The following ZNF487 variants were observed in gnomAD, a reference collection of about 807,000 sequenced individuals.
ZNF487 encodes zinc finger protein 487, also known as KRAB domain only 1.
A neutral mutation model predicts 3.0 loss-of-function variants in ZNF487; 4 were observed. The observed-to-expected ratio is 1.35, with a 90% confidence interval of 0.66 to 3.08. The LOEUF (loss-of-function observed/expected upper bound fraction) is 3.08. Among genes scored for constraint, ZNF487 ranks in the 30% most tolerant of loss-of-function variants. The pLI, the probability that ZNF487 is intolerant of heterozygous loss-of-function variation, is 0.01. For missense variants in ZNF487, 146 were observed against 98.7 expected, an observed-to-expected ratio of 1.48 and a Z score of -2.03; for synonymous variants, 55 against 34.6, an observed-to-expected ratio of 1.59 and a Z score of -2.06.
chr10:43,516,273 G>A, the ZNF487 span, among the ~76,000 whole-genome samples: 2 of 152,140 alleles, frequency 1.3e-5, no homozygotes, highest in Non-Finnish European at 2.9e-5. Context: ...TTCATGCCAA[G>A]GACTATCAGT....
chr10:43,478,393 A>G (rs969958431), intron 3 of ZNF487, among the ~76,000 whole-genome samples: 5 of 152,136 alleles, frequency 3.3e-5, no homozygotes, highest in African/African-American at 7.2e-5. Flanking sequence ...CTTCTCTACT[A>G]AAAATACAAA....
chr10:43,514,767 A>G, the ZNF487 span, among the ~76,000 whole-genome samples: 1 of 152,214 alleles, frequency 6.6e-6, no homozygotes, highest in Non-Finnish European at 1.5e-5. Flanking sequence ...TCTGACATAC[A>G]GAGAAGAGCA....
At chr10:43,459,748 C>T (rs192278147) in intron 1 of ZNF487, among the ~76,000 whole-genome samples, 3 of 149,748 alleles carry the variant, frequency 2.0e-5, no homozygotes, top group Middle Eastern at 3.4e-3. Flanking sequence ...AGGGTTTTGC[C>T]GTGTTGCTCA....
the ZNF487 span, among the ~76,000 whole-genome samples, chr10:43,498,154 G>A: frequency 1.3e-5 from 1 of 78,814 alleles, no homozygotes; most frequent in African/African-American, 5.3e-5. Flanking sequence ...TTGAGATGGA[G>A]TCTCACTCTG....
Position 43,470,025 on chromosome 10 carries a change from A to G in ZNF487, c.-93-5696A>G, listed in dbSNP as rs114308436. ...TATTGCACACTTAATAGACTATAGT[A>G]TAGTGAAAACATAACTTTCACATGC... is the stretch of plus-strand genomic sequence containing the variant. On this transcript the variant is annotated intron_variant, in intron 1 of 3. Coordinates refer to ENST00000437590, the MANE Select transcript of ZNF487 (RefSeq NM_001355444.3). Among the ~76,000 whole-genome samples, 421 of 152,282 alleles carry G rather than the reference A, an allele frequency of 2.8e-3. 1 individual carries two copies. Among genetic ancestry groups the G allele is most frequent in the African/African-American group, 9.5e-3 (395 of 41,560 alleles).
chr10:43,472,239 T>A (rs1840932615), intron 1 of ZNF487, among the ~76,000 whole-genome samples: 1 of 152,286 alleles, frequency 6.6e-6, no homozygotes, highest in African/African-American at 2.4e-5. Flanking sequence ...CATCTCTGCT[T>A]GAGTATTTTA....
chr10:43,484,929 T>C (rs978642167), downstream of ZNF487, among the ~76,000 whole-genome samples: 2 of 152,230 alleles, frequency 1.3e-5, no homozygotes, highest in African/African-American at 4.8e-5. Flanking sequence ...TTGTTAATCA[T>C]TGGGATACAT....
intron 1 of ZNF487, among the ~76,000 whole-genome samples, chr10:43,463,549 A>G (rs1185164508): frequency 2.0e-5 from 3 of 151,636 alleles, no homozygotes; most frequent in Admixed American, 6.6e-5. Context: ...AAAAAAAAAA[A>G]AAATTTTTTT....
the ZNF487 span, among the ~76,000 whole-genome samples, chr10:43,491,031 A>G: frequency 2.3e-5 from 3 of 132,066 alleles, no homozygotes; most frequent in Non-Finnish European, 4.6e-5. Flanking sequence ...TGGGGGCATG[A>G]TCTCGGCTCA....
At chr10:43,494,525 C>T in the ZNF487 span, among the ~76,000 whole-genome samples, 1 of 151,342 alleles carries the variant, frequency 6.6e-6, no homozygotes, top group Non-Finnish European at 1.5e-5. Flanking sequence ...AAAATCACTG[C>T]CCCTAAGATG....
At chr10:43,465,651 C>T (rs1840666547) in intron 1 of ZNF487, among the ~76,000 whole-genome samples, 1 of 150,886 alleles carries the variant, frequency 6.6e-6, no homozygotes, top group South Asian at 2.1e-4. Flanking sequence ...AGAGGCGCTC[C>T]TCACTTCCTA....
the ZNF487 span, among the ~76,000 whole-genome samples, chr10:43,502,273 A>G: frequency 6.6e-6 from 1 of 152,186 alleles, no homozygotes; most frequent in African/African-American, 2.4e-5. Context: ...TCAGCAAACT[A>G]TTGCAAGAAC....
intron 1 of ZNF487, among the ~76,000 whole-genome samples, chr10:43,442,637 G>T (rs1462045906): frequency 6.6e-6 from 1 of 152,062 alleles, no homozygotes; most frequent in Non-Finnish European, 1.5e-5. Context: ...TAGAGATGGG[G>T]TTTCACCATC....
In ZNF487 at chr10:43,479,466, A is replaced by C. The variant is rs955067780; in HGVS notation, c.131-1963A>C. ...GTCCAACTGTGGTAAAATAAACTAA[A>C]ATAGAAAAGAATGATGGAATTGCTT... On this transcript the variant is annotated intron_variant, in intron 3 of 3. Transcript: ENST00000437590. Among the ~76,000 whole-genome samples, 3 of 152,204 alleles carry C rather than the reference A, an allele frequency of 2.0e-5. No individual in the cohort carries two copies. The South Asian group carries it at 6.2e-4, about 32-fold the overall frequency.
intron 1 of ZNF487, among the ~76,000 whole-genome samples, chr10:43,469,007 A>G (rs1453211331): frequency 4.0e-5 from 6 of 150,640 alleles, no homozygotes; most frequent in East Asian, 3.9e-4. Context: ...AAAAAAAAAA[A>G]AAAAAAAGAA....
the ZNF487 span, among the ~76,000 whole-genome samples, chr10:43,519,127 G>A: frequency 6.6e-6 from 1 of 152,076 alleles, no homozygotes; most frequent in South Asian, 2.1e-4. Context: ...TGCTGCCCAG[G>A]CTGGTCCTGG....
At chr10:43,459,638 A>C (rs1192875526) in intron 1 of ZNF487, among the ~76,000 whole-genome samples, 1 of 151,980 alleles carries the variant, frequency 6.6e-6, no homozygotes, top group Non-Finnish European at 1.5e-5. Flanking sequence ...TGTTGCGATC[A>C]CAGCTCACTG....
chr10:43,456,545 TG>T (rs1355689383), intron 1 of ZNF487, among the ~76,000 whole-genome samples: 2 of 152,296 alleles, frequency 1.3e-5, no homozygotes, highest in East Asian at 3.9e-4. Context: ...AGAACCTGGT[TG>T]GGAGGGAAAG....
the ZNF487 span, among the ~76,000 whole-genome samples, chr10:43,490,526 T>TTTTTTTTTTTG: frequency 1.4e-5 from 2 of 140,756 alleles, no homozygotes; most frequent in Non-Finnish European, 1.5e-5. Context: ...TTTTTTTTTT[T>TTTTTTTTTTTG]GAGATGGAGT....
Sources: allele counts gnomAD v4.1 joint callset (sites outside exome capture counted in the v4.1 genomes callset), GRCh38; gene constraint gnomAD v4.1.1; transcripts MANE v1.5; gene names NCBI Gene and HGNC (gene_info 2026-07-23, HGNC 2026-07-21).